Variants in COL11A1 observed in about 807,000 individuals in gnomAD.
COL11A1 encodes collagen type XI alpha 1 chain.
In COL11A1, 74 loss-of-function variants were observed where a neutral mutation model predicts 265.2. The ratio of observed to expected loss-of-function variants is 0.28; its 90% confidence interval spans 0.23 to 0.34. The LOEUF (loss-of-function observed/expected upper bound fraction) is 0.34. Among genes scored for constraint, COL11A1 ranks in the 10% least tolerant of loss-of-function variants. The pLI is 1.00. For missense variants in COL11A1, 2,165 were observed against 2,263.6 expected (o/e 0.96, Z 0.88); for synonymous variants, 816 against 727.6 (o/e 1.12, Z -1.96).
At chr1:103,074,066 A>G (rs1365975041) in intron 4 of COL11A1, among the ~76,000 whole-genome samples, 1 of 152,108 alleles carries the variant, frequency 6.6e-6, no homozygotes, top group African/African-American at 2.4e-5. Flanking sequence ...GTCATATCCA[A>G]TGATTGGAGG....
At chr1:103,073,286 A>G (rs920126497) in intron 4 of COL11A1, among the ~76,000 whole-genome samples, 1 of 151,876 alleles carries the variant, frequency 6.6e-6, no homozygotes, top group East Asian at 1.9e-4. Context: ...TTACACATTT[A>G]TGTTCCTGGA....
rs540163201 is a variant in COL11A1 at position 102,966,231 on chromosome 1, T to G, written c.2863-691A>C. Among the ~76,000 whole-genome samples the G allele has an allele frequency of 1.6e-3, 250 of 152,320 alleles. 1 individual carries two copies. The highest frequency in any genetic ancestry group is 0.01 in the Middle Eastern group (3 of 294). On this transcript the variant is annotated intron_variant, in intron 37 of 66. Transcript: ENST00000370096. ...TATTCATTCCACATAATTGTGTGAA[T>G]ATAGGTAAATTTCTTACCCATGAGA...
chr1:103,024,467 T>A (rs932619209), intron 7 of COL11A1, among the ~76,000 whole-genome samples: 1 of 152,200 alleles, frequency 6.6e-6, no homozygotes, highest in Non-Finnish European at 1.5e-5. Context: ...AATATGTAGA[T>A]AAATGATGAG....
At chr1:102,880,264 AT>A (rs568583665) in intron 65 of COL11A1, among the ~76,000 whole-genome samples, 65 of 152,338 alleles carry the variant, frequency 4.3e-4, no homozygotes, top group African/African-American at 1.5e-3. Context: ...AATTGGTAAA[AT>A]AATGGAACAA....
chr1:103,099,411 T>C (rs1674053694), intron 1 of COL11A1, among the ~76,000 whole-genome samples: 2 of 150,750 alleles, frequency 1.3e-5, no homozygotes, highest in Admixed American at 6.6e-5. Flanking sequence ...CATAAAGCAC[T>C]TTATTTATAC....
chr1:102,957,518 G>T (rs536519926), intron 41 of COL11A1, among the ~76,000 whole-genome samples: 7 of 152,000 alleles, frequency 4.6e-5, no homozygotes, highest in Non-Finnish European at 1.0e-4. Flanking sequence ...ATAGGTGAAA[G>T]AAACTAAGAG....
intron 1 of COL11A1, among the ~76,000 whole-genome samples, chr1:103,088,834 A>G (rs1293603882): frequency 6.6e-6 from 1 of 152,220 alleles, no homozygotes; most frequent in African/African-American, 2.4e-5. Flanking sequence ...CCAAGGAGAC[A>G]TGGACACGGA....
intron 15 of COL11A1, among the ~76,000 whole-genome samples, chr1:103,008,227 C>A (rs111972702): frequency 2.6e-5 from 4 of 152,196 alleles, no homozygotes; most frequent in African/African-American, 9.6e-5. Context: ...GCTGCATTTT[C>A]CATCCTTTTA....
At chr1:102,924,082 G>A (rs539456539) in intron 46 of COL11A1, among the ~76,000 whole-genome samples, 1 of 151,464 alleles carries the variant, frequency 6.6e-6, no homozygotes, top group Non-Finnish European at 1.5e-5. Context: ...TTAGCCGGGC[G>A]TGGTGGCAGG....
intron 38 of COL11A1, 24 bp from the exon 39 acceptor site, chr1:102,962,784 T>C (rs771272778): frequency 6.3e-7 from 1 of 1,594,272 alleles, no homozygotes; most frequent in Non-Finnish European, 8.6e-7. Context: ...GCAAAATCAC[T>C]TTAGATTGCT....
At chr1:102,902,098 A>G (rs1414271489) in intron 54 of COL11A1, among the ~76,000 whole-genome samples, 1 of 152,214 alleles carries the variant, frequency 6.6e-6, no homozygotes, top group African/African-American at 2.4e-5. Flanking sequence ...TGAGAGAGGG[A>G]TGGCTTCTTC....
intron 54 of COL11A1, among the ~76,000 whole-genome samples, chr1:102,903,434 A>G (rs1036182384): frequency 3.3e-5 from 5 of 151,088 alleles, no homozygotes; most frequent in Non-Finnish European, 1.5e-5. Flanking sequence ...TACTTCCGCC[A>G]TAAGATATTA....
chr1:103,078,177 A>G (rs1478034108), intron 3 of COL11A1, among the ~76,000 whole-genome samples: 1 of 151,902 alleles, frequency 6.6e-6, no homozygotes, highest in Non-Finnish European at 1.5e-5. Flanking sequence ...CTGCTTCTCC[A>G]TCCTCATCAT....
At chr1:102,981,344 A>G (rs1663017784) in intron 31 of COL11A1, among the ~76,000 whole-genome samples, 2 of 152,028 alleles carry the variant, frequency 1.3e-5, no homozygotes, top group Non-Finnish European at 2.9e-5. Context: ...CTATGTGACT[A>G]TTACAGGAAT....
intron 41 of COL11A1, among the ~76,000 whole-genome samples, chr1:102,952,386 C>T (rs894619734): frequency 6.6e-6 from 1 of 152,146 alleles, no homozygotes; most frequent in Non-Finnish European, 1.5e-5. Context: ...TGTGAGCCAC[C>T]GTGCCCAGCC....
At chr1:103,101,861 A>G (rs1320412147) in intron 1 of COL11A1, among the ~76,000 whole-genome samples, 2 of 152,130 alleles carry the variant, frequency 1.3e-5, no homozygotes, top group Non-Finnish European at 2.9e-5. Flanking sequence ...TTACTCTGAA[A>G]TATGATAACC....
At chr1:102,965,570 C>G (rs377203694) in intron 37 of COL11A1, 30 bp from the exon 38 acceptor site, 2 of 1,586,128 alleles carry the variant, frequency 1.3e-6, no homozygotes, top group Non-Finnish European at 1.7e-6. Flanking sequence ...TTTGTAAAAG[C>G]TACATACAAC....
chr1:102,940,479 G>C, intron 42 of COL11A1, 45 bp from the exon 43 acceptor site: 1 of 1,357,670 alleles, frequency 7.4e-7, no homozygotes, highest in South Asian at 1.2e-5. Flanking sequence ...GTTTTGAAGT[G>C]CAGCTACAAG....
chr1:103,017,398 G>A (rs1666654473), intron 11 of COL11A1, among the ~76,000 whole-genome samples: 2 of 152,078 alleles, frequency 1.3e-5, no homozygotes, highest in Non-Finnish European at 1.5e-5. Context: ...AGAGTTTGGA[G>A]AGACTTAACA....
Sources: gnomAD v4.1 joint callset for allele counts (sites outside exome capture counted in the v4.1 genomes callset) on GRCh38, gnomAD v4.1.1 for gene constraint, MANE v1.5 for transcripts, NCBI Gene and HGNC (gene_info 2026-07-23, HGNC 2026-07-21) for gene names.